Variants in UNC5B observed in about 807,000 individuals in gnomAD.
UNC5B encodes the protein netrin receptor UNC5B.
UNC5B carries 56 observed loss-of-function variants against 103.7 expected under a neutral mutation model. The observed-to-expected ratio is 0.54, with a 90% CI of 0.44 to 0.67. UNC5B has a LOEUF of 0.67. UNC5B is among the 30% of genes least tolerant of loss of function. UNC5B has a pLI of 0.00. For synonymous variants in UNC5B, 577 were observed against 542.0 expected, an observed-to-expected ratio of 1.06 and a Z score of -0.90; for missense variants, 1,194 against 1,284.5, an observed-to-expected ratio of 0.93 and a Z score of 1.08.
intron 1 of UNC5B, among the ~76,000 whole-genome samples, chr10:71,230,587 T>G (rs1320304393): frequency 1.3e-5 from 2 of 152,246 alleles, no homozygotes; most frequent in Non-Finnish European, 2.9e-5. Context: ...GCCCTGGGTA[T>G]GTGGGCCTCC....
chr10:71,252,860 G>T (rs1844204650), intron 1 of UNC5B, among the ~76,000 whole-genome samples: 1 of 152,144 alleles, frequency 6.6e-6, no homozygotes, highest in Non-Finnish European at 1.5e-5. Flanking sequence ...GACTCAGCCT[G>T]GCAGTCTGTT....
intron 1 of UNC5B, among the ~76,000 whole-genome samples, chr10:71,220,472 TCTCCC>T (rs1237568775): frequency 2.0e-5 from 3 of 152,064 alleles, no homozygotes; most frequent in African/African-American, 7.2e-5. Context: ...CACACACACC[TCTCCC>T]CGGGGCCTTA....
At chr10:71,285,513 C>A in intron 4 of UNC5B, 84 bp downstream of exon 4, 1 of 1,246,716 alleles carries the variant, frequency 8.0e-7, no homozygotes, top group Non-Finnish European at 1.1e-6. Context: ...TACCACCAGC[C>A]ATGGTGCTAG....
intron 13 of UNC5B, among the ~76,000 whole-genome samples, chr10:71,295,342 C>T (rs919281201): frequency 2.0e-5 from 3 of 152,206 alleles, no homozygotes. Context: ...ATTCAACCCT[C>T]CATCCATCCA....
At chr10:71,278,954 C>T (rs1353212429) in intron 1 of UNC5B, among the ~76,000 whole-genome samples, 1 of 152,246 alleles carries the variant, frequency 6.6e-6, no homozygotes, top group Admixed American at 6.5e-5. Flanking sequence ...TGGGCACTGG[C>T]GGTGGCCACA....
intron 4 of UNC5B, among the ~76,000 whole-genome samples, chr10:71,286,276 A>G (rs560480710): frequency 3.3e-5 from 5 of 152,258 alleles, no homozygotes; most frequent in African/African-American, 1.2e-4. Flanking sequence ...ATCACCTCCC[A>G]GGCTTTTCTT....
At chr10:71,288,877 ATC>A (rs996795161) in intron 7 of UNC5B, 79 bp from the exon 8 acceptor site, 5 of 1,548,670 alleles carry the variant, frequency 3.2e-6, no homozygotes, top group Non-Finnish European at 4.4e-6. Flanking sequence ...CCATCATCTC[ATC>A]TCATCCTTCC....
At chr10:71,243,316 A>G (rs1843950913) in intron 1 of UNC5B, among the ~76,000 whole-genome samples, 1 of 152,086 alleles carries the variant, frequency 6.6e-6, no homozygotes, top group Non-Finnish European at 1.5e-5. Flanking sequence ...CAGTTTCCCC[A>G]TCTGTGCAGT....
chr10:71,294,061 G>A (rs552511592), intron 13 of UNC5B, 128 bp downstream of exon 13: 554 of 859,826 alleles, frequency 6.4e-4, no homozygotes, highest in Non-Finnish European at 8.5e-4. Context: ...ATTAGGTCCC[G>A]CTTGCGACCC....
intron 1 of UNC5B, among the ~76,000 whole-genome samples, chr10:71,247,651 C>T (rs569008754): frequency 9.9e-4 from 150 of 152,254 alleles, no homozygotes; most frequent in African/African-American, 3.2e-3. Context: ...CTCAGCTGTA[C>T]ACCCCCAGTC....
chr10:71,249,450 A>G (rs1844123884), intron 1 of UNC5B, among the ~76,000 whole-genome samples: 1 of 152,260 alleles, frequency 6.6e-6, no homozygotes, highest in South Asian at 2.1e-4. Flanking sequence ...GAGAGTGATA[A>G]CCCTATGTGT....
intron 1 of UNC5B, among the ~76,000 whole-genome samples, chr10:71,268,489 T>TCCCCGACTGGAGGTGAAGGGC (rs1479215761): frequency 1.7e-4 from 26 of 151,936 alleles, no homozygotes; most frequent in Admixed American, 1.6e-3. Context: ...AGGTGAAGGG[T>TCCCCGACTGGAGGTGAAGGGC]CCCCGACTGG....
intron 1 of UNC5B, among the ~76,000 whole-genome samples, chr10:71,239,462 G>T (rs768134795): frequency 3.3e-5 from 5 of 152,130 alleles, no homozygotes; most frequent in Non-Finnish European, 7.4e-5. Flanking sequence ...GCAGTTAGGG[G>T]CTCCTCATGC....
intron 9 of UNC5B, 150 bp from the exon 10 acceptor site, chr10:71,291,282 A>G: frequency 7.4e-7 from 1 of 1,357,216 alleles, no homozygotes. Context: ...GAAGGAAGGG[A>G]GTGACCCAGG....
At chr10:71,264,514 C>T (rs1358617661) in intron 1 of UNC5B, among the ~76,000 whole-genome samples, 2 of 152,210 alleles carry the variant, frequency 1.3e-5, no homozygotes, top group African/African-American at 4.8e-5. Flanking sequence ...TAGCGAAAGC[C>T]TGGCACCATG....
chr10:71,268,312 G>C (rs887927816), intron 1 of UNC5B, among the ~76,000 whole-genome samples: 4 of 152,258 alleles, frequency 2.6e-5, no homozygotes, highest in Admixed American at 2.0e-4. Context: ...AAAGGCCAGA[G>C]TCTGGCCACT....
chr10:71,237,714 A>G (rs1843804918), intron 1 of UNC5B, among the ~76,000 whole-genome samples: 1 of 152,178 alleles, frequency 6.6e-6, no homozygotes, highest in Non-Finnish European at 1.5e-5. Context: ...TGTGGCCTCT[A>G]TAGGATCGGG....
Position 71,213,282 on chromosome 10 carries a change from G to A in UNC5B, c.79+218G>A, listed in dbSNP as rs1481025865. ...GAAGGGGCTTCACAGTAAGCTGAAAGGTCCCTGCTCGCTCCTGAAAGGGAT... is the reference window on the plus strand; with the variant it reads ...GAAGGGGCTTCACAGTAAGCTGAAAAGTCCCTGCTCGCTCCTGAAAGGGAT... On this transcript the variant is annotated intron_variant, in intron 1 of 16. Coordinates refer to ENST00000335350, the MANE Select transcript of UNC5B (RefSeq NM_170744.5). The surrounding 1 kb of genome is among the most constrained non-coding windows in gnomAD (Gnocchi z 4.1). Among the ~76,000 whole-genome samples, 3 of 152,180 alleles carry A rather than the reference G, an allele frequency of 2.0e-5. No individual in the cohort carries two copies. Among genetic ancestry groups the A allele is most frequent in the Non-Finnish European group, 4.4e-5 (3 of 68,026 alleles).
chr10:71,284,939 C>T (rs1437880283), intron 3 of UNC5B, 76 bp downstream of exon 3: 129 of 1,515,340 alleles, frequency 8.5e-5, no homozygotes, highest in Non-Finnish European at 1.1e-4. Flanking sequence ...GGGAACTTCA[C>T]ATCTGTGGGG....
Sources: gnomAD v4.1 joint callset for allele counts (sites outside exome capture counted in the v4.1 genomes callset) on GRCh38, gnomAD v4.1.1 for gene constraint, Gnocchi (gnomAD v3.1) non-coding constraint, MANE v1.5 for transcripts, NCBI Gene and HGNC (gene_info 2026-07-23, HGNC 2026-07-21) for gene names.